The following IGSF10 variants were observed in gnomAD, a reference collection of about 807,000 sequenced individuals.
IGSF10 encodes the protein immunoglobulin superfamily member 10, also known as calvaria mechanical force protein 608.
In IGSF10, 126 loss-of-function variants were observed where a neutral mutation model predicts 128.2. The ratio of observed to expected loss-of-function variants is 0.98; its 90% CI spans 0.85 to 1.14. The LOEUF (loss-of-function observed/expected upper bound fraction) is 1.14. Ranked by LOEUF, IGSF10 falls within the 50% of genes most tolerant of loss-of-function variation. IGSF10 has a pLI of 0.00. For synonymous variants in IGSF10, 1,185 were observed against 1,146.2 expected (o/e 1.03, Z -0.68); for missense variants, 3,295 against 3,149.8 (o/e 1.05, Z -1.10).
rs2108551653 is a variant in IGSF10, at chr3:151,446,673, G to A, written c.3308C>T (p.Thr1103Ile). Residue 1103 changes from threonine to isoleucine, a missense_variant, in exon 6 of 8, where the codon ACA (threonine) becomes ATA (isoleucine). Thr to Ile is a moderately conservative substitution (Grantham distance 89). Coordinates refer to ENST00000282466, the MANE Select transcript of IGSF10 (RefSeq NM_178822.5). ...TAATAGTGGATTCTGGACTAGAGTTGTAGACTCTTCTGATGGGACTCTAGC... is the reference window on the plus strand; with the variant it reads ...TAATAGTGGATTCTGGACTAGAGTTATAGACTCTTCTGATGGGACTCTAGC... ...DIARVPSEES[T>I]TLVQNPLLLL... is the part of the protein sequence containing the mutation. The A allele has an allele frequency of 3.1e-6, 5 of 1,613,652 alleles. No homozygotes were observed. Among genetic ancestry groups the A allele is most frequent in the Non-Finnish European group, 3.4e-6 (4 of 1,179,606 alleles).
the IGSF10 span, among the ~76,000 whole-genome samples, chr3:151,576,476 T>A: frequency 5.9e-5 from 9 of 152,190 alleles, no homozygotes; most frequent in Non-Finnish European, 1.2e-4. Flanking sequence ...CCAATCTGAA[T>A]TTTTCAAAGG....
upstream of IGSF10, among the ~76,000 whole-genome samples, chr3:151,465,459 A>G (rs1722247844): frequency 6.6e-6 from 1 of 152,254 alleles, no homozygotes; most frequent in Admixed American, 6.5e-5. Flanking sequence ...ATCAAAAGCC[A>G]TTGGTTGAGG....
At chr3:151,567,054 G>A in the IGSF10 span, among the ~76,000 whole-genome samples, 123 of 152,342 alleles carry the variant, frequency 8.1e-4, 1 homozygote, top group African/African-American at 2.7e-3. Context: ...GAGACACAGA[G>A]TCTCTAGTCA....
At chr3:151,589,746 G>T in the IGSF10 span, among the ~76,000 whole-genome samples, 2 of 152,178 alleles carry the variant, frequency 1.3e-5, no homozygotes, top group Non-Finnish European at 2.9e-5. Context: ...TGATGCAAAT[G>T]AACCCTAAAT....
At chr3:151,521,057 CAA>C in the IGSF10 span, among the ~76,000 whole-genome samples, 1 of 151,286 alleles carries the variant, frequency 6.6e-6, no homozygotes, top group South Asian at 2.1e-4. Flanking sequence ...AAATGGAAAA[CAA>C]AAAAATCAGG....
At chr3:151,516,423 T>C in the IGSF10 span, among the ~76,000 whole-genome samples, 1 of 152,064 alleles carries the variant, frequency 6.6e-6, no homozygotes, top group Non-Finnish European at 1.5e-5. Flanking sequence ...TGTGCACTTG[T>C]GGGGTATACT....
chr3:151,570,231 A>G, the IGSF10 span, among the ~76,000 whole-genome samples: 2 of 152,148 alleles, frequency 1.3e-5, 1 homozygote, highest in Middle Eastern at 6.3e-3. Flanking sequence ...ATGATTTATA[A>G]TCCTTTGGGT....
the IGSF10 span, among the ~76,000 whole-genome samples, chr3:151,535,549 T>C: frequency 6.6e-6 from 1 of 152,194 alleles, no homozygotes; most frequent in South Asian, 2.1e-4. Flanking sequence ...CATCACTATA[T>C]ATACTCATGT....
chr3:151,618,638 G>A, the IGSF10 span, among the ~76,000 whole-genome samples: 1 of 151,814 alleles, frequency 6.6e-6, no homozygotes, highest in Non-Finnish European at 1.5e-5. Context: ...GCTGAGGCAG[G>A]AGAATGGCGT....
chr3:151,446,250 C>G lies in IGSF10; in HGVS notation c.3731G>C (p.Arg1244Thr), dbSNP rs1721182132. 7 of 1,613,784 alleles carry G rather than the reference C, an allele frequency of 4.3e-6. No individual in the cohort carries two copies. The highest frequency in any genetic ancestry group is 5.9e-6 in the Non-Finnish European group (7 of 1,179,776). The change falls in exon 6 of 8, where the codon AGA becomes ACA. Residue 1244 changes from arginine (R) to threonine (T), a missense_variant. Coordinates refer to ENST00000282466, the MANE Select transcript of IGSF10 (RefSeq NM_178822.5). ...GAAATGGAAAGGGGAGACTTTGTCT[C>G]TGGGTAAAGCAGGAGATGTTTTAGG... ...MLPKTSPALP[R>T]DKVSPFHFTT...
the IGSF10 span, among the ~76,000 whole-genome samples, chr3:151,590,444 G>T: frequency 6.6e-6 from 1 of 152,270 alleles, no homozygotes; most frequent in South Asian, 2.1e-4. Flanking sequence ...AAGAGCCCTT[G>T]AAATATTTCA....
At position 151,443,202 on chromosome 3, in the gene IGSF10, A is replaced by G. The variant is rs79409676; in HGVS notation, c.5745T>C (p.Tyr1915=). 1.2e-4 allele frequency: 189 copies of G among 1,614,170 alleles called. 1 individual carries two copies. In the East Asian group the frequency reaches 3.9e-3, roughly 33 times the overall value. Residue 1915 remains tyrosine, a synonymous_variant, in exon 7 of 8, where the codon TAT becomes TAC. Coordinates refer to ENST00000282466, the MANE Select transcript of IGSF10 (RefSeq NM_178822.5). ...CAGTGGAACTGGTAGCAATGCATTC[A>G]TAAGTGCCCCTGTCTGAAGAGGCTA... The part of the protein sequence containing the change: ...RNLASSDRGT[Y]ECIATSSTGS...
Position 151,447,048 on chromosome 3 carries a change from C to T in IGSF10, c.2933G>A (p.Ser978Asn), listed in dbSNP as rs1721237580. ...TGGATCTGAAGGGAACGTGGAGGTGCTAAGTATTTGAGTAGTGTGAGAATA... is the reference window on the plus strand; with the variant it reads ...TGGATCTGAAGGGAACGTGGAGGTGTTAAGTATTTGAGTAGTGTGAGAATA... ...HFYSHTTQIL[S>N]TSTFPSDPHT... is the part of the protein sequence containing the mutation. Residue 978 changes from serine (S) to asparagine (N), a missense_variant, in exon 6 of 8, where the codon AGC becomes AAC. Transcript: ENST00000282466. The T allele has an allele frequency of 6.2e-7, 1 of 1,613,778 alleles. No individual in the cohort carries two copies. Among genetic ancestry groups the T allele is most frequent in the Non-Finnish European group, 8.5e-7 (1 of 1,179,856 alleles).
chr3:151,528,805 T>G, the IGSF10 span, among the ~76,000 whole-genome samples: 1 of 147,652 alleles, frequency 6.8e-6, no homozygotes, highest in Non-Finnish European at 1.5e-5. Flanking sequence ...CAGGAGTTTT[T>G]TTTTTTTTTT....
At chr3:151,594,236 A>G in the IGSF10 span, among the ~76,000 whole-genome samples, 1 of 151,258 alleles carries the variant, frequency 6.6e-6, no homozygotes, top group East Asian at 1.9e-4. Context: ...TGGCTGAGCT[A>G]TGGGAGATAC....
the IGSF10 span, among the ~76,000 whole-genome samples, chr3:151,531,206 A>G: frequency 2.0e-5 from 3 of 152,194 alleles, no homozygotes; most frequent in Admixed American, 2.0e-4. Flanking sequence ...TGAGAGACCT[A>G]AAAAGAGACT....
chr3:151,600,302 A>G, the IGSF10 span, among the ~76,000 whole-genome samples: 1 of 152,160 alleles, frequency 6.6e-6, no homozygotes, highest in African/African-American at 2.4e-5. Flanking sequence ...TACACAGTAA[A>G]AAGTGAATTT....
chr3:151,569,330 C>T, the IGSF10 span, among the ~76,000 whole-genome samples: 1 of 152,198 alleles, frequency 6.6e-6, no homozygotes, highest in African/African-American at 2.4e-5. Context: ...CCTCAGCCTT[C>T]TATAGTGCCA....
At chr3:151,579,603 A>C in the IGSF10 span, among the ~76,000 whole-genome samples, 1 of 148,340 alleles carries the variant, frequency 6.7e-6, no homozygotes, top group South Asian at 2.1e-4. Context: ...AAAAGTAAAG[A>C]AAAAAAAAAC....
Sources: gnomAD v4.1 joint callset for allele counts (sites outside exome capture counted in the v4.1 genomes callset) on GRCh38, gnomAD v4.1.1 for gene constraint, MANE v1.5 for transcripts, NCBI Gene and HGNC (gene_info 2026-07-23, HGNC 2026-07-21) for gene names.